The following TTLL5 variants were observed in gnomAD, a reference collection of about 807,000 sequenced individuals.
The protein encoded by TTLL5 is tubulin tyrosine ligase like 5.
In TTLL5, 132 loss-of-function variants were observed where a neutral mutation model predicts 168.4. The ratio of observed to expected loss-of-function variants is 0.78; its 90% CI spans 0.68 to 0.91. The LOEUF (loss-of-function observed/expected upper bound fraction) is 0.91, where lower values mean the gene tolerates loss of function less well. TTLL5 is among the 40% of genes least tolerant of loss of function. The pLI is 0.00. For synonymous variants in TTLL5, 546 were observed against 558.6 expected (o/e 0.98, Z 0.32); for missense variants, 1,545 against 1,581.5 (o/e 0.98, Z 0.39).
At chr14:75,828,162 AG>A (rs1225121803) in intron 28 of TTLL5, among the ~76,000 whole-genome samples, 2 of 152,194 alleles carry the variant, frequency 1.3e-5, no homozygotes, top group Non-Finnish European at 2.9e-5. Context: ...GCAGCCATAA[AG>A]AGGTTAGTAA....
intron 3 of TTLL5, among the ~76,000 whole-genome samples, chr14:75,675,965 C>G (rs1346096373): frequency 6.6e-6 from 1 of 152,144 alleles, no homozygotes; most frequent in Non-Finnish European, 1.5e-5. Context: ...AGTTTGAAAG[C>G]CTGTGAGCCA....
chr14:75,690,515 T>C (rs1192577669), intron 6 of TTLL5, among the ~76,000 whole-genome samples, 193 bp downstream of exon 6: 1 of 152,206 alleles, frequency 6.6e-6, no homozygotes, highest in Non-Finnish European at 1.5e-5. Flanking sequence ...AACTTGTCAG[T>C]ATCATTTATG....
rs1595009592 is a variant in TTLL5 at position 75,771,958 on chromosome 14, T to C, written c.2136+104T>C. The C allele has an allele frequency of 2.3e-6, 3 of 1,318,108 alleles. No individual in the cohort carries two copies. The East Asian group carries it at 7.3e-5, about 32-fold the overall frequency. The allele number at this position is 1,318,108 out of a possible 1,614,324, so 81.7% of individuals were successfully genotyped here. ...AGGGTAAAGTGCGATATTTTTCTGGTGAAAGGATTATTATGTAAGAAGGTT... is the reference window on the plus strand; with the variant it reads ...AGGGTAAAGTGCGATATTTTTCTGGCGAAAGGATTATTATGTAAGAAGGTT... On this transcript the variant is annotated intron_variant, in intron 21 of 31. Transcript: ENST00000298832.
chr14:75,884,519 GCAAGA>G (rs2031993235), intron 30 of TTLL5, among the ~76,000 whole-genome samples: 1 of 152,228 alleles, frequency 6.6e-6, no homozygotes, highest in Non-Finnish European at 1.5e-5. Flanking sequence ...TTTGTGACAG[GCAAGA>G]GTGTGGGAAA....
Position 75,899,849 on chromosome 14 carries a change from C to T in TTLL5, c.3741-2293C>T, listed in dbSNP as rs1337329445. The stretch of plus-strand genomic sequence containing the variant: ...GACCCAGAATTCATTGAGTCTAAGC[C>T]CCCAGGGACTCTTCTCATCCCTCAA... On this transcript the variant is annotated intron_variant, in intron 30 of 31. Transcript: ENST00000298832. Among the ~76,000 whole-genome samples, 3 of 151,956 alleles carry T rather than the reference C, an allele frequency of 2.0e-5. No homozygotes were observed. The East Asian group carries it at 5.8e-4, about 29-fold the overall frequency.
chr14:75,715,541 A>G (rs905026760), intron 9 of TTLL5, among the ~76,000 whole-genome samples: 2 of 152,162 alleles, frequency 1.3e-5, no homozygotes, highest in African/African-American at 4.8e-5. Context: ...ATAAGCTCTT[A>G]CTGGGGTAGG....
chr14:75,888,835 G>C (rs2359985), intron 30 of TTLL5, among the ~76,000 whole-genome samples: 134,151 of 151,942 alleles, frequency 0.88, 59,328 homozygotes, highest in South Asian at 0.92. Context: ...CTCAGGAGGC[G>C]GAGGCTGGAG....
intron 12 of TTLL5, among the ~76,000 whole-genome samples, chr14:75,726,798 T>C (rs1410751073): frequency 1.3e-5 from 2 of 152,170 alleles, no homozygotes; most frequent in African/African-American, 4.8e-5. Flanking sequence ...CAAGTTTAAA[T>C]TCATCTTGTA....
chr14:75,881,888 T>A (rs1056028448), intron 29 of TTLL5, among the ~76,000 whole-genome samples: 2 of 152,196 alleles, frequency 1.3e-5, no homozygotes, highest in African/African-American at 2.4e-5. Flanking sequence ...AGCATCTACT[T>A]GAAGGAAGAA....
intron 3 of TTLL5, among the ~76,000 whole-genome samples, chr14:75,672,068 T>TA (rs767405759): frequency 1.9e-4 from 29 of 152,224 alleles, no homozygotes; most frequent in Non-Finnish European, 3.8e-4. Flanking sequence ...TGTGTGTTTT[T>TA]ATCATGAAAA....
At chr14:75,874,240 C>T (rs755261661) in intron 29 of TTLL5, among the ~76,000 whole-genome samples, 13 of 152,204 alleles carry the variant, frequency 8.5e-5, no homozygotes, top group African/African-American at 2.6e-4. Context: ...TATAGGCATG[C>T]GTCACCATGC....
intron 17 of TTLL5, among the ~76,000 whole-genome samples, chr14:75,747,154 T>C (rs1889667169): frequency 6.6e-6 from 1 of 152,124 alleles, no homozygotes; most frequent in African/African-American, 2.4e-5. Context: ...GGGATGGTTT[T>C]GTATTTCTGT....
At chr14:75,903,719 A>G (rs926129618) in intron 31 of TTLL5, among the ~76,000 whole-genome samples, 2 of 151,658 alleles carry the variant, frequency 1.3e-5, no homozygotes, top group African/African-American at 4.9e-5. Flanking sequence ...GTGAGACCCT[A>G]TCTCTACAAA....
chr14:75,944,272 G>A (rs933285590), intron 31 of TTLL5, among the ~76,000 whole-genome samples: 1 of 152,110 alleles, frequency 6.6e-6, no homozygotes, highest in Non-Finnish European at 1.5e-5. Flanking sequence ...TGTGTGACTC[G>A]AATACATTCC....
chr14:75,787,236 A>G (rs1892419352), intron 26 of TTLL5, among the ~76,000 whole-genome samples: 1 of 152,338 alleles, frequency 6.6e-6, no homozygotes, highest in East Asian at 1.9e-4. Flanking sequence ...AGTTTAAAAA[A>G]ATCCAACTAT....
chr14:75,823,105 A>G (rs1894925384), intron 28 of TTLL5, among the ~76,000 whole-genome samples: 1 of 152,222 alleles, frequency 6.6e-6, no homozygotes, highest in Non-Finnish European at 1.5e-5. Context: ...TTAGAATTAT[A>G]CAGTAGGGAC....
In TTLL5 at chr14:75,663,118, G is replaced by T. The variant is rs760806437; in HGVS notation, c.-32G>T. 4 of 1,609,508 alleles carry T rather than the reference G, an allele frequency of 2.5e-6. No individual in the cohort carries two copies. The East Asian group carries it at 6.7e-5, about 27-fold the overall frequency. ...GCTAGGAAAGGTCTCTGAGGCCCCC[G>T]TCTGCTGACTGCATGACAAACCCTA... On this transcript the variant is annotated 5_prime_UTR_variant, in exon 2 of 32. Coordinates refer to ENST00000298832, the MANE Select transcript of TTLL5 (RefSeq NM_015072.5).
intron 18 of TTLL5, among the ~76,000 whole-genome samples, chr14:75,761,835 C>A (rs2140291727): frequency 6.6e-6 from 1 of 152,252 alleles, no homozygotes; most frequent in South Asian, 2.1e-4. Flanking sequence ...TAACTTTTAG[C>A]TTACCCAACA....
chr14:75,677,233 C>T (rs1206322048), intron 3 of TTLL5, among the ~76,000 whole-genome samples: 1 of 152,018 alleles, frequency 6.6e-6, no homozygotes, highest in African/African-American at 2.4e-5. Context: ...TACAGCTACT[C>T]TATGCAGTAA....
Sources: allele counts gnomAD v4.1 joint callset (sites outside exome capture counted in the v4.1 genomes callset), GRCh38; gene constraint gnomAD v4.1.1; transcripts MANE v1.5; gene names NCBI Gene and HGNC (gene_info 2026-07-23, HGNC 2026-07-21).